The following L3MBTL3 variants were observed in gnomAD, a reference collection of about 807,000 sequenced individuals.
L3MBTL3 encodes L3MBTL histone methyl-lysine binding protein 3.
L3MBTL3 carries 27 observed loss-of-function variants against 102.3 expected under a neutral mutation model. The observed-to-expected ratio is 0.26, with a 90% CI of 0.19 to 0.36. The LOEUF (loss-of-function observed/expected upper bound fraction) is 0.36, where lower values mean the gene tolerates loss of function less well. Among genes scored for constraint, L3MBTL3 ranks in the 10% least tolerant of loss-of-function variants. The pLI, the probability that L3MBTL3 is intolerant of heterozygous loss-of-function variation, is 1.00. For missense variants in L3MBTL3, 798 were observed against 955.3 expected (o/e 0.84, Z 2.17); for synonymous variants, 340 against 320.9 (o/e 1.06, Z -0.64).
chr6:130,102,601 CT>C (rs1445973919), intron 18 of L3MBTL3, among the ~76,000 whole-genome samples: 2 of 152,166 alleles, frequency 1.3e-5, no homozygotes, highest in African/African-American at 2.4e-5. Flanking sequence ...TGCCTGCCTG[CT>C]TCTCCCGGTT....
intron 3 of L3MBTL3, among the ~76,000 whole-genome samples, chr6:130,047,991 T>C (rs1780831314): frequency 6.6e-6 from 1 of 152,210 alleles, no homozygotes; most frequent in South Asian, 2.1e-4. Context: ...GAAGACATTC[T>C]CACATTCCTT....
chr6:130,101,622 G>T (rs925988080), intron 18 of L3MBTL3, among the ~76,000 whole-genome samples: 1 of 152,230 alleles, frequency 6.6e-6, no homozygotes. Flanking sequence ...CCTGGAAAGG[G>T]CAGGGGGACT....
intron 20 of L3MBTL3, among the ~76,000 whole-genome samples, chr6:130,124,737 G>A (rs1786478665): frequency 2.0e-5 from 3 of 152,136 alleles, no homozygotes; most frequent in South Asian, 2.1e-4. Context: ...TTGGGAGGCC[G>A]AGGCGGGTGG....
intron 19 of L3MBTL3, among the ~76,000 whole-genome samples, chr6:130,113,813 A>G (rs1231015390): frequency 1.3e-5 from 2 of 152,240 alleles, no homozygotes; most frequent in Non-Finnish European, 1.5e-5. Flanking sequence ...ACCCTGTTAA[A>G]CAGATAGGAA....
intron 18 of L3MBTL3, 107 bp downstream of exon 18, chr6:130,094,474 G>C (rs2115251678): frequency 1.8e-6 from 1 of 555,972 alleles, no homozygotes. Context: ...TTTAAATTCA[G>C]ATCCATAAGA....
chr6:130,112,126 A>C lies in L3MBTL3; in HGVS notation c.1886+7551A>C, dbSNP rs145929604. Among the ~76,000 whole-genome samples the C allele has an allele frequency of 2.4e-3, 371 of 152,212 alleles. 1 individual carries two copies. The highest frequency in any genetic ancestry group is 8.5e-3 in the African/African-American group (355 of 41,540). ...CTTTATCTGATCATCCAGATTTTGGACCAAGTCCTTCATTACATGCTTTCT... is the reference window on the plus strand; with the variant it reads ...CTTTATCTGATCATCCAGATTTTGGCCCAAGTCCTTCATTACATGCTTTCT... On this transcript the variant is annotated intron_variant, in intron 19 of 22. Transcript: ENST00000361794.
intron 13 of L3MBTL3, among the ~76,000 whole-genome samples, chr6:130,076,996 T>C (rs1334083347): frequency 1.3e-5 from 2 of 152,038 alleles, no homozygotes; most frequent in African/African-American, 2.4e-5. Flanking sequence ...AATTTGTATA[T>C]CCAGCAAAAT....
At chr6:130,102,935 G>A (rs550706820) in intron 18 of L3MBTL3, among the ~76,000 whole-genome samples, 18 of 152,268 alleles carry the variant, frequency 1.2e-4, no homozygotes, top group East Asian at 5.8e-4. Flanking sequence ...TATCAGCTCC[G>A]TGAAACCAGA....
intron 19 of L3MBTL3, among the ~76,000 whole-genome samples, chr6:130,113,712 A>G (rs1008515448): frequency 6.6e-6 from 1 of 152,256 alleles, no homozygotes; most frequent in Non-Finnish European, 1.5e-5. Flanking sequence ...TGAGAACTAC[A>G]TAGAGCGGTT....
At chr6:130,036,617 A>T (rs538205786) in intron 2 of L3MBTL3, among the ~76,000 whole-genome samples, 5 of 152,334 alleles carry the variant, frequency 3.3e-5, no homozygotes, top group African/African-American at 1.2e-4. Flanking sequence ...CCTGTCAGAC[A>T]GGATTTTGCT....
intron 7 of L3MBTL3, among the ~76,000 whole-genome samples, chr6:130,053,390 C>G (rs1209025552): frequency 3.2e-4 from 49 of 152,112 alleles, no homozygotes; most frequent in Admixed American, 3.1e-3. Flanking sequence ...AATCCCAGCA[C>G]TTTGGGAGGC....
chr6:130,068,273 AC>A (rs1238314124), intron 11 of L3MBTL3, 56 bp from the exon 12 acceptor site: 1 of 897,110 alleles, frequency 1.1e-6, no homozygotes, highest in Non-Finnish European at 1.8e-6. Flanking sequence ...GGACTGGAAA[AC>A]TAAGTGTAAA....
Position 130,068,425 on chromosome 6 carries a change from A to G in L3MBTL3, c.1092+4A>G. 1.3e-6 allele frequency: 2 copies of G among 1,501,930 alleles called. No individual in the cohort carries two copies. 93.0% of individuals were successfully genotyped at this position (1,501,930 alleles called of 1,614,324 possible). A position where few individuals can be genotyped will look rare whatever the true frequency, so the allele number is the denominator to read the frequency against. On this transcript the variant is annotated splice_donor_region_variant and intron_variant, in intron 12 of 22. Transcript: ENST00000361794. ...ATTATTTGAAAATCAGAATATAGTAAGTACATACGAAACACGTTTTCTTTC... is the reference window on the plus strand; with the variant it reads ...ATTATTTGAAAATCAGAATATAGTAGGTACATACGAAACACGTTTTCTTTC...
At chr6:130,053,831 A>G (rs919490985) in intron 7 of L3MBTL3, among the ~76,000 whole-genome samples, 1 of 152,176 alleles carries the variant, frequency 6.6e-6, no homozygotes, top group Non-Finnish European at 1.5e-5. Context: ...GTATTGTACA[A>G]CTGTTACTTG....
chr6:130,064,521 A>T (rs1218423803), intron 10 of L3MBTL3, among the ~76,000 whole-genome samples: 1 of 152,094 alleles, frequency 6.6e-6, no homozygotes, highest in Non-Finnish European at 1.5e-5. Flanking sequence ...TGACGAAAGT[A>T]CTCAGATGGA....
At chr6:130,093,238 G>A (rs1345908674) in intron 17 of L3MBTL3, among the ~76,000 whole-genome samples, 1 of 152,248 alleles carries the variant, frequency 6.6e-6, no homozygotes, top group East Asian at 1.9e-4. Flanking sequence ...TGGGCAAAGT[G>A]TGAAGGAGAG....
At chr6:130,115,254 G>C (rs1451579887) in intron 19 of L3MBTL3, among the ~76,000 whole-genome samples, 2 of 152,078 alleles carry the variant, frequency 1.3e-5, no homozygotes, top group Non-Finnish European at 2.9e-5. Context: ...CCAAACTAAG[G>C]AGTGAACTTT....
chr6:130,024,838 A>C (rs1002585760), intron 2 of L3MBTL3, among the ~76,000 whole-genome samples: 1 of 152,182 alleles, frequency 6.6e-6, no homozygotes, highest in Admixed American at 6.5e-5. Context: ...ATAGTATAAC[A>C]GTTGCACATG....
intron 6 of L3MBTL3, among the ~76,000 whole-genome samples, chr6:130,051,794 ACT>A (rs1781112315): frequency 6.6e-6 from 1 of 152,170 alleles, no homozygotes; most frequent in Admixed American, 6.5e-5. Context: ...CTCGGTTAAA[ACT>A]CCACCTACGG....
Sources: gnomAD v4.1 joint callset for allele counts (sites outside exome capture counted in the v4.1 genomes callset) on GRCh38, gnomAD v4.1.1 for gene constraint, MANE v1.5 for transcripts, NCBI Gene and HGNC (gene_info 2026-07-23, HGNC 2026-07-21) for gene names.